Variants in SPECC1L observed in about 807,000 individuals in gnomAD.
SPECC1L encodes the protein cytospin-A.
A neutral mutation model predicts 116.8 loss-of-function variants in SPECC1L; 40 were observed. That is an observed-to-expected ratio of 0.34 (90% CI 0.27 to 0.45). SPECC1L has a LOEUF of 0.45. Among genes scored for constraint, SPECC1L ranks in the 20% least tolerant of loss-of-function variants. The pLI is 1.00. For missense variants in SPECC1L, 1,110 were observed against 1,373.6 expected, an observed-to-expected ratio of 0.81 and a Z score of 3.03; for synonymous variants, 504 against 500.6, an observed-to-expected ratio of 1.01 and a Z score of -0.09.
Position 24,322,212 on chromosome 22 carries a change from G to A in SPECC1L, c.1232G>A (p.Ser411Asn). Reference protein sequence around the residue: ...HQMEENQHSTSEELQATLQEL... With the variant: ...HQMEENQHSTNEELQATLQEL... ...ATGGAAGAGAACCAACACAGTACAA[G>A]TGAGGAACTCCAGGCAACCCTGCAA... is the stretch of plus-strand genomic sequence containing the variant. Residue 411 changes from serine (S) to asparagine (N), a missense_variant, in exon 5 of 17, where the codon AGT becomes AAT. Physicochemically the swap from Ser to Asn is conservative, Grantham distance 46. Around this residue, in one of 4 missense-constraint regions of SPECC1L, gnomAD observed 22 missense variants for 60.1 expected, o/e 0.37. Transcript: ENST00000314328. The A allele has an allele frequency of 6.2e-7, 1 of 1,614,152 alleles. No homozygotes were observed. Among genetic ancestry groups the A allele is most frequent in the Non-Finnish European group, 8.5e-7 (1 of 1,180,040 alleles).
intron 10 of SPECC1L, among the ~76,000 whole-genome samples, chr22:24,344,592 C>CAAA (rs35725042): frequency 8.5e-6 from 1 of 117,930 alleles, no homozygotes. Context: ...TGCATAAGAC[C>CAAA]AAAAAAAAAA....
chr22:24,328,702 G>GT lies in SPECC1L; in HGVS notation c.2147-142dup. ...ATTACTTGAATTTAACATTTTTTCT[G>GT]TTAAAGTTTTGTATTAAAATTTTTT... On this transcript the variant is annotated intron_variant, in intron 6 of 16. Coordinates refer to ENST00000314328, the MANE Select transcript of SPECC1L (RefSeq NM_015330.6). 3 of 603,086 alleles carry GT rather than the reference G, an allele frequency of 5.0e-6. No homozygotes were observed. In the South Asian group the frequency reaches 6.5e-5, roughly 13 times the overall value. 37.4% of individuals were successfully genotyped at this position (603,086 alleles called of 1,614,324 possible).
At chr22:24,311,088 C>T (rs1322147711) in intron 3 of SPECC1L, among the ~76,000 whole-genome samples, 1 of 152,166 alleles carries the variant, frequency 6.6e-6, no homozygotes, top group Non-Finnish European at 1.5e-5. Context: ...TCTTTATGGA[C>T]TCTGTTTCAC....
intron 14 of SPECC1L, among the ~76,000 whole-genome samples, chr22:24,383,096 T>G (rs1601320369): frequency 6.6e-6 from 1 of 152,202 alleles, no homozygotes; most frequent in African/African-American, 2.4e-5. Flanking sequence ...AAGGGAAATA[T>G]TCGAGGCCTT....
At chr22:24,327,787 G>T (rs190274002) in intron 6 of SPECC1L, among the ~76,000 whole-genome samples, 1 of 152,250 alleles carries the variant, frequency 6.6e-6, no homozygotes, top group East Asian at 1.9e-4. Context: ...TCATCACATG[G>T]CTTCTTCTGC....
intron 2 of SPECC1L, among the ~76,000 whole-genome samples, chr22:24,290,369 C>G (rs141455613): frequency 6.6e-6 from 1 of 152,124 alleles, no homozygotes; most frequent in Non-Finnish European, 1.5e-5. Flanking sequence ...GCCATCTTTC[C>G]TCATAAGTCA....
intron 14 of SPECC1L, among the ~76,000 whole-genome samples, chr22:24,390,665 A>G (rs1029010518): frequency 1.5e-4 from 23 of 151,974 alleles, no homozygotes; most frequent in African/African-American, 4.6e-4. Flanking sequence ...CTTTATGTGG[A>G]CTGTGTCTAC....
At chr22:24,413,945 G>T (rs540469129) in intron 16 of SPECC1L, among the ~76,000 whole-genome samples, 19 of 152,222 alleles carry the variant, frequency 1.2e-4, no homozygotes, top group African/African-American at 4.6e-4. Flanking sequence ...GAGGCCTTCT[G>T]TCTCGTGTTA....
At chr22:24,273,885 A>G (rs112183998) in intron 1 of SPECC1L, among the ~76,000 whole-genome samples, 1 of 152,200 alleles carries the variant, frequency 6.6e-6, no homozygotes, top group Admixed American at 6.5e-5. Flanking sequence ...CAGCCTCCCA[A>G]GTAGGTGGGA....
intron 7 of SPECC1L, 93 bp from the exon 8 acceptor site, chr22:24,330,163 A>C (rs2040910766): frequency 3.1e-6 from 4 of 1,285,688 alleles, no homozygotes; most frequent in South Asian, 1.2e-5. Flanking sequence ...GCATTAGTGC[A>C]TTATAGCAAT....
At chr22:24,339,462 G>A (rs1051349361) in intron 10 of SPECC1L, among the ~76,000 whole-genome samples, 10 of 152,228 alleles carry the variant, frequency 6.6e-5, no homozygotes, top group African/African-American at 2.4e-4. Flanking sequence ...GTGCCATTGT[G>A]GAATGCAGAT....
chr22:24,332,596 T>A (rs2040960980), intron 8 of SPECC1L, among the ~76,000 whole-genome samples: 1 of 152,216 alleles, frequency 6.6e-6, no homozygotes. Context: ...TTGCTTTTTT[T>A]ATATCAAAAT....
At chr22:24,331,747 G>A (rs935306682) in intron 8 of SPECC1L, among the ~76,000 whole-genome samples, 15 of 152,088 alleles carry the variant, frequency 9.9e-5, no homozygotes, top group Admixed American at 8.5e-4. Context: ...TTAGTGAAAA[G>A]CAAGTGTAAA....
At chr22:24,344,960 T>C (rs999940217) in intron 10 of SPECC1L, among the ~76,000 whole-genome samples, 2 of 152,200 alleles carry the variant, frequency 1.3e-5, no homozygotes, top group African/African-American at 4.8e-5. Context: ...TTTAAATTGG[T>C]CTGTAGATTC....
At chr22:24,323,221 C>A in intron 5 of SPECC1L, 2 of 584,522 alleles carry the variant, frequency 3.4e-6, no homozygotes, top group Non-Finnish European at 4.3e-6. Flanking sequence ...TGGAGCGGGT[C>A]ATGAAATTTT....
chr22:24,313,502 T>A (rs778774111), intron 4 of SPECC1L, 36 bp downstream of exon 4: 7 of 1,611,904 alleles, frequency 4.3e-6, no homozygotes, highest in Non-Finnish European at 5.1e-6. Flanking sequence ...TTCAACTGCT[T>A]TTTTGTTTGA....
intron 10 of SPECC1L, among the ~76,000 whole-genome samples, chr22:24,339,481 G>A (rs528706754): frequency 6.6e-6 from 1 of 152,324 alleles, no homozygotes; most frequent in East Asian, 1.9e-4. Flanking sequence ...ATGAGAAGCG[G>A]GGCAGAGGGC....
chr22:24,336,133 A>G (rs2146526209), intron 9 of SPECC1L, among the ~76,000 whole-genome samples: 1 of 152,224 alleles, frequency 6.6e-6, no homozygotes, highest in East Asian at 1.9e-4. Flanking sequence ...TTTAATAAGG[A>G]TGACATAGAT....
chr22:24,302,000 A>G (rs941192510), intron 2 of SPECC1L, among the ~76,000 whole-genome samples, 195 bp from the exon 3 acceptor site: 20 of 151,864 alleles, frequency 1.3e-4, no homozygotes, highest in Non-Finnish European at 2.6e-4. Flanking sequence ...GAGCCGAGAT[A>G]GTGCCACTGC....
Sources: gnomAD v4.1 joint callset for allele counts (sites outside exome capture counted in the v4.1 genomes callset) on GRCh38, gnomAD v4.1.1 for gene constraint, gnomAD v4.1.1 regional missense constraint, MANE v1.5 for transcripts, NCBI Gene and HGNC (gene_info 2026-07-23, HGNC 2026-07-21) for gene names.